OR2M4: variants seen among roughly 807,000 people sequenced by gnomAD.
OR2M4 encodes olfactory receptor 2M4.
OR2M4 carries 8 observed loss-of-function variants against 13.7 expected under a neutral mutation model. The ratio of observed to expected loss-of-function variants is 0.58; its 90% confidence interval spans 0.34 to 1.05. The LOEUF (loss-of-function observed/expected upper bound fraction) is 1.05, where lower values mean the gene tolerates loss of function less well. OR2M4 is among the 50% of genes least tolerant of loss of function. OR2M4 has a pLI of 0.02. For missense variants in OR2M4, 374 were observed against 381.6 expected (o/e 0.98, Z 0.17); for synonymous variants, 152 against 141.3 (o/e 1.08, Z -0.53).
rs1289107559 is a variant in OR2M4 at position 248,239,296 on chromosome 1, A to G, written c.368A>G (p.Tyr123Cys). ...TTGGCTGTCATGGCTTATGACCGCT[A>G]TGTGGCTATATGTCACCCTCTTCAG... ...FLLAVMAYDRYVAICHPLQYT... is the reference protein window; with the variant it reads ...FLLAVMAYDRCVAICHPLQYT... The change falls in exon 2 of 2, where the codon TAT becomes TGT. Residue 123 changes from tyrosine to cysteine, a missense_variant. Physicochemically the swap from Tyr to Cys is radical, Grantham distance 194 (BLOSUM62 -2). Transcript: ENST00000641868. 1.9e-6 allele frequency: 3 copies of G among 1,614,040 alleles called. No homozygotes were observed. Among genetic ancestry groups the G allele is most frequent in the African/African-American group, 2.7e-5 (2 of 74,970 alleles).
In OR2M4 at chr1:248,240,453, ATAAAAT is replaced by A. The variant is rs1355148154; in HGVS notation, c.*594_*599del. 6.6e-6 allele frequency: 1 copy of A among 152,232 alleles called. No individual in the cohort carries two copies. The highest frequency in any genetic ancestry group is 1.9e-4 in the East Asian group (1 of 5,204). 9.4% of individuals were successfully genotyped at this position (152,232 alleles called of 1,614,324 possible). ...ATATATGTGTGTGATCTTTATGCTAATAAAATTAAATATTTTAAGGAGTCCACATAA... is the reference window on the plus strand; with the variant it reads ...ATATATGTGTGTGATCTTTATGCTAATAAATATTTTAAGGAGTCCACATAA... On this transcript the variant is annotated 3_prime_UTR_variant, in exon 2 of 2. Transcript: ENST00000641868.
At chr1:248,235,817 A>G (rs1026666291) in intron 1 of OR2M4, among the ~76,000 whole-genome samples, 7 of 152,102 alleles carry the variant, frequency 4.6e-5, no homozygotes, top group African/African-American at 1.7e-4. Flanking sequence ...TTGTTGGTGC[A>G]TAGGAATGCT....
chr1:248,240,178 AG>A lies in OR2M4; in HGVS notation c.*315del, dbSNP rs1378679453. ...CCGAAGGGTCTTAGCTGTATCAAAA[AG>A]CAAAGGTTGGAGTTGATCCTCTGTT... On this transcript the variant is annotated 3_prime_UTR_variant, in exon 2 of 2. Coordinates refer to ENST00000641868, the MANE Select transcript of OR2M4 (RefSeq NM_017504.2). The A allele has an allele frequency of 5.4e-6, 1 of 183,848 alleles. No homozygotes were observed. Among genetic ancestry groups the A allele is most frequent in the African/African-American group, 2.3e-5 (1 of 42,622 alleles). 11.4% of individuals were successfully genotyped at this position (183,848 alleles called of 1,614,324 possible). A position where few individuals can be genotyped will look rare whatever the true frequency, so the allele number is the denominator to read the frequency against.
chr1:248,233,913 C>G (rs1361163172), intron 1 of OR2M4, among the ~76,000 whole-genome samples: 5 of 152,098 alleles, frequency 3.3e-5, no homozygotes, highest in Non-Finnish European at 7.3e-5. Flanking sequence ...TTACAAAGAC[C>G]TGATGGTTGA....
chr1:248,238,575 T>TA (rs1005830094), intron 1 of OR2M4, among the ~76,000 whole-genome samples: 3 of 152,198 alleles, frequency 2.0e-5, no homozygotes, highest in Non-Finnish European at 4.4e-5. Flanking sequence ...GGTATGATCC[T>TA]AAAATTTAGC....
rs928120230 is a variant in OR2M4, at chr1:248,240,775, C to G, written c.*911C>G. On this transcript the variant is annotated 3_prime_UTR_variant, in exon 2 of 2. Coordinates refer to ENST00000641868, the MANE Select transcript of OR2M4 (RefSeq NM_017504.2). ...CTTGAACAGACAATGCCACCCCTCT[C>G]TCACCACTGACAGAAGGAACAGTGT... 2.0e-5 allele frequency: 3 copies of G among 152,270 alleles called. No homozygotes were observed. The highest frequency in any genetic ancestry group is 1.5e-5 in the Non-Finnish European group (1 of 68,090). The allele number at this position is 152,270 out of a possible 1,614,324, so 9.4% of individuals were successfully genotyped here.
chr1:248,243,603 C>A lies in OR2M4; in HGVS notation c.*3739C>A, dbSNP rs1666638011. The stretch of plus-strand genomic sequence containing the variant: ...ATTAAAGACTTAAACGTAAGAAAAT[C>A]CTAGAAGAAAACTTAGGAAATGCCG... On this transcript the variant is annotated 3_prime_UTR_variant, in exon 2 of 2. Transcript: ENST00000641868. 1 of 152,158 alleles carries A rather than the reference C, an allele frequency of 6.6e-6. No homozygotes were observed. Among genetic ancestry groups the A allele is most frequent in the South Asian group, 2.1e-4 (1 of 4,830 alleles). 9.4% of individuals were successfully genotyped at this position (152,158 alleles called of 1,614,324 possible).
At chr1:248,235,318 T>A (rs530591883) in intron 1 of OR2M4, among the ~76,000 whole-genome samples, 21 of 152,296 alleles carry the variant, frequency 1.4e-4, no homozygotes, top group Non-Finnish European at 2.5e-4. Flanking sequence ...TGGTTGTAGA[T>A]GTCAGGTCTT....
At chr1:248,234,602 T>C (rs1666539177) in intron 1 of OR2M4, among the ~76,000 whole-genome samples, 2 of 152,160 alleles carry the variant, frequency 1.3e-5, no homozygotes, top group Non-Finnish European at 2.9e-5. Flanking sequence ...TGATGAATTA[T>C]TCTTAGAAAA....
intron 1 of OR2M4, among the ~76,000 whole-genome samples, chr1:248,232,344 G>C (rs960598269): frequency 6.6e-6 from 1 of 152,096 alleles, no homozygotes; most frequent in African/African-American, 2.4e-5. Flanking sequence ...GGAAAAGCTG[G>C]ACTCAGTGGG....
rs1405411977 is a variant in OR2M4, at chr1:248,239,392, A to C, written c.464A>C (p.Asp155Ala). 1.9e-6 allele frequency: 3 copies of C among 1,613,966 alleles called. No individual in the cohort carries two copies. The highest frequency in any genetic ancestry group is 1.7e-6 in the Non-Finnish European group (2 of 1,179,996). Residue 155 changes from aspartate (D) to alanine (A), a missense_variant, in exon 2 of 2, where the codon GAT (aspartate) becomes GCT (alanine). By Grantham distance (126) the Asp-to-Ala change is moderately radical. Transcript: ENST00000641868. ...GCTTCCTGGACCTTGGGGTCTCTTG[A>C]TGGGATCATAGTGCTTGCAGCTGTC... ...TVASWTLGSL[D>A]GIIVLAAVLS... is the part of the protein sequence containing the mutation.
intron 1 of OR2M4, among the ~76,000 whole-genome samples, chr1:248,236,675 T>G (rs1284736164): frequency 6.6e-6 from 1 of 151,882 alleles, no homozygotes; most frequent in African/African-American, 2.4e-5. Flanking sequence ...CTGGCTAGGC[T>G]AATAAAGAAG....
intron 1 of OR2M4, among the ~76,000 whole-genome samples, chr1:248,236,827 A>C (rs1348546715): frequency 6.6e-6 from 1 of 152,172 alleles, no homozygotes; most frequent in Non-Finnish European, 1.5e-5. Flanking sequence ...AAATGGATAA[A>C]TTCATGGACA....
rs1415855299 is a variant in OR2M4, at chr1:248,239,112, C to A, written c.184C>A (p.Leu62Ile). 3.1e-6 allele frequency: 5 copies of A among 1,613,878 alleles called. No individual in the cohort carries two copies. Among genetic ancestry groups the A allele is most frequent in the Non-Finnish European group, 4.2e-6 (5 of 1,179,946 alleles). Reference sequence around the variant, plus strand: ...ACAGCTCCACACCCCCATGTACTTCCTCCTCAGTCAACTGTCCCTTATGGA... The same window carrying A: ...ACAGCTCCACACCCCCATGTACTTCATCCTCAGTCAACTGTCCCTTATGGA... ...EKQLHTPMYF[L>I]LSQLSLMDLM... Residue 62 changes from leucine to isoleucine, a missense_variant, in exon 2 of 2, where the codon CTC (leucine) becomes ATC (isoleucine). Leu to Ile is a conservative substitution (Grantham distance 5). Transcript: ENST00000641868.
At position 248,239,920 on chromosome 1, in the gene OR2M4, G is replaced by A. The variant is rs1169193771; in HGVS notation, c.*56G>A. The A allele has an allele frequency of 6.7e-6, 7 of 1,042,434 alleles. No homozygotes were observed. The highest frequency in any genetic ancestry group is 2.7e-5 in the Admixed American group (1 of 36,592). 64.6% of individuals were successfully genotyped at this position (1,042,434 alleles called of 1,614,324 possible). On this transcript the variant is annotated 3_prime_UTR_variant, in exon 2 of 2. Transcript: ENST00000641868. ...TGGTCAACACTCATTCAAAAAAACTGGAATCTCTTAAATTATTCTATTTCT... is the reference window on the plus strand; with the variant it reads ...TGGTCAACACTCATTCAAAAAAACTAGAATCTCTTAAATTATTCTATTTCT...
intron 1 of OR2M4, among the ~76,000 whole-genome samples, chr1:248,237,338 A>C (rs999060251): frequency 1.3e-5 from 2 of 152,142 alleles, no homozygotes; most frequent in African/African-American, 4.8e-5. Flanking sequence ...CCTTAGATAA[A>C]ATCCAACATC....
chr1:248,238,748 G>A lies in OR2M4; in HGVS notation c.-19-162G>A, dbSNP rs183245591. Among the ~76,000 whole-genome samples the A allele has an allele frequency of 1.7e-3, 258 of 152,272 alleles. 4 individuals carry two copies. The highest frequency in any genetic ancestry group is 3.1e-3 in the Non-Finnish European group (213 of 68,012). ...GTTGGATGAGGAAATAATTGTAAAA[G>A]CAATGGACTAATCCACACAATTTAC... On this transcript the variant is annotated intron_variant, in intron 1 of 1. Coordinates refer to ENST00000641868, the MANE Select transcript of OR2M4 (RefSeq NM_017504.2).
rs1193252308 is a variant in OR2M4, at chr1:248,243,555, G to T, written c.*3691G>T. On this transcript the variant is annotated 3_prime_UTR_variant, in exon 2 of 2. Transcript: ENST00000641868. Reference sequence around the variant, plus strand: ...AGCAGAGAGAGCTACCTTTCAGCATGTACAGAAATTAACTCGAGATGGATT... The same window carrying T: ...AGCAGAGAGAGCTACCTTTCAGCATTTACAGAAATTAACTCGAGATGGATT... 2.0e-5 allele frequency: 3 copies of T among 152,174 alleles called. No homozygotes were observed. Among genetic ancestry groups the T allele is most frequent in the Non-Finnish European group, 2.9e-5 (2 of 68,042 alleles). 9.4% of individuals were successfully genotyped at this position (152,174 alleles called of 1,614,324 possible). A position where few individuals can be genotyped will look rare whatever the true frequency, so the allele number is the denominator to read the frequency against.
intron 1 of OR2M4, among the ~76,000 whole-genome samples, chr1:248,236,527 C>G (rs900809503): frequency 6.6e-6 from 1 of 151,410 alleles, no homozygotes; most frequent in African/African-American, 2.4e-5. Flanking sequence ...CAAACAAATC[C>G]AAAGGCTAGC....
Sources: gnomAD v4.1 joint callset for allele counts (sites outside exome capture counted in the v4.1 genomes callset) on GRCh38, gnomAD v4.1.1 for gene constraint, MANE v1.5 for transcripts, NCBI Gene and HGNC (gene_info 2026-07-23, HGNC 2026-07-21) for gene names.